The following STXBP5L variants were observed in gnomAD, a reference collection of about 807,000 sequenced individuals.
STXBP5L encodes syntaxin binding protein 5L, also known as syntaxin-binding protein 5-like.
Under a neutral mutation model 144.5 loss-of-function variants are expected in STXBP5L, and 65 were observed. The ratio of observed to expected loss-of-function variants is 0.45; its 90% confidence interval spans 0.37 to 0.55. The LOEUF (loss-of-function observed/expected upper bound fraction) is 0.55. Among genes scored for constraint, STXBP5L ranks in the 20% least tolerant of loss-of-function variants. STXBP5L has a pLI of 0.00. For missense variants in STXBP5L, 1,298 were observed against 1,405.5 expected, an observed-to-expected ratio of 0.92 and a Z score of 1.22; for synonymous variants, 505 against 469.6, an observed-to-expected ratio of 1.08 and a Z score of -0.97.
rs71619793 is a variant in STXBP5L at position 121,312,368 on chromosome 3, C to CTTT, written c.2111-6086_2111-6084dup. On this transcript the variant is annotated intron_variant, in intron 19 of 26. Coordinates refer to ENST00000471454, the MANE Select transcript of STXBP5L (RefSeq NM_001308330.2). ...GGGATCTAAGTAAACTAAAGAGCTT[C>CTTT]TTTTTTTTTTTTTTTTTTTTTTTAT... 1.6e-3 allele frequency among the ~76,000 whole-genome samples: 98 copies of CTTT among 60,092 alleles called. 3 individuals are homozygous for CTTT. Among genetic ancestry groups the CTTT allele is most frequent in the African/African-American group, 6.1e-3 (93 of 15,324 alleles). 39.4% of individuals were successfully genotyped at this position (60,092 alleles called of 152,430 possible).
At chr3:120,961,254 A>T (rs1938767354) in intron 3 of STXBP5L, among the ~76,000 whole-genome samples, 1 of 144,366 alleles carries the variant, frequency 6.9e-6, no homozygotes, top group African/African-American at 2.6e-5. Flanking sequence ...TAGAGGCTAT[A>T]CTTTAGTCTT....
rs2048317170 is a variant in STXBP5L at position 121,205,902 on chromosome 3, TTAAA to T, written c.878-18_878-15del. The T allele has an allele frequency of 2.3e-6, 3 of 1,295,724 alleles. No individual in the cohort carries two copies. The highest frequency in any genetic ancestry group is 3.1e-5 in the African/African-American group (2 of 64,706). The allele number at this position is 1,295,724 out of a possible 1,614,324, so 80.3% of individuals were successfully genotyped here. ...TGAATATAATTTAAATTAGATTCAA[TTAAA>T]TATTTTTTTTCTTTAGGAAAAAGTC... On this transcript the variant is annotated splice_polypyrimidine_tract_variant and intron_variant, in intron 9 of 26. Transcript: ENST00000471454.
At chr3:121,385,131 G>A (rs924898277) in intron 22 of STXBP5L, among the ~76,000 whole-genome samples, 6 of 151,990 alleles carry the variant, frequency 3.9e-5, no homozygotes, top group Admixed American at 3.3e-4. Context: ...TACCCCAGTG[G>A]TAGATGCTTT....
At chr3:121,363,465 G>T (rs1311182805) in intron 20 of STXBP5L, among the ~76,000 whole-genome samples, 1 of 152,168 alleles carries the variant, frequency 6.6e-6, no homozygotes, top group Admixed American at 6.5e-5. Flanking sequence ...GCTAGGGATG[G>T]TTGAAATTCT....
rs2047383910 is a variant in STXBP5L at position 121,422,943 on chromosome 3, T to C, written c.*3846T>C. ...AAAAAGAATCAGATTAGGCCTAACA[T>C]TGGTTGAAGAAGATTAAAATAGATT... On this transcript the variant is annotated 3_prime_UTR_variant, in exon 27 of 27. Coordinates refer to ENST00000471454, the MANE Select transcript of STXBP5L (RefSeq NM_001308330.2). 6.6e-6 allele frequency: 1 copy of C among 151,896 alleles called. No homozygotes were observed. The highest frequency in any genetic ancestry group is 2.1e-4 in the South Asian group (1 of 4,804). The allele number at this position is 151,896 out of a possible 1,614,324, so 9.4% of individuals were successfully genotyped here.
intron 10 of STXBP5L, among the ~76,000 whole-genome samples, chr3:121,210,944 G>T (rs1319889712): frequency 6.6e-6 from 1 of 152,192 alleles, no homozygotes; most frequent in Non-Finnish European, 1.5e-5. Context: ...GAACTTTAAA[G>T]TAGTTTTTTT....
intron 2 of STXBP5L, among the ~76,000 whole-genome samples, chr3:120,930,871 C>A (rs1709896111): frequency 6.6e-6 from 1 of 152,080 alleles, no homozygotes; most frequent in South Asian, 2.1e-4. Context: ...ACTCCTTTGT[C>A]ATATATTAAG....
chr3:121,119,762 T>A (rs1323527963), intron 6 of STXBP5L, among the ~76,000 whole-genome samples: 1 of 151,336 alleles, frequency 6.6e-6, no homozygotes, highest in African/African-American at 2.4e-5. Context: ...ATAGGCATTA[T>A]CTCTATGCAG....
At chr3:121,310,546 C>T (rs2043491141) in intron 19 of STXBP5L, among the ~76,000 whole-genome samples, 1 of 151,472 alleles carries the variant, frequency 6.6e-6, no homozygotes, top group Non-Finnish European at 1.5e-5. Flanking sequence ...ACCCAGGAGG[C>T]AGAGCTTGTA....
intron 5 of STXBP5L, among the ~76,000 whole-genome samples, chr3:121,064,734 A>T (rs1014798242): frequency 2.6e-5 from 4 of 152,210 alleles, no homozygotes; most frequent in African/African-American, 7.2e-5. Context: ...ATTTTTTAAA[A>T]AATGTCAACT....
At chr3:120,998,016 TCTATACAATTCAAGATCCC>T (rs1430252708) in intron 3 of STXBP5L, among the ~76,000 whole-genome samples, 2 of 152,168 alleles carry the variant, frequency 1.3e-5, no homozygotes, top group Non-Finnish European at 2.9e-5. Context: ...GATAAAGCTT[TCTATACAATTCAAGATCCC>T]TTCATGTTAA....
At chr3:121,358,688 G>T (rs2045609396) in intron 20 of STXBP5L, among the ~76,000 whole-genome samples, 1 of 152,108 alleles carries the variant, frequency 6.6e-6, no homozygotes, top group Non-Finnish European at 1.5e-5. Flanking sequence ...TACTCTCTCT[G>T]TCCATGAGTT....
intron 20 of STXBP5L, among the ~76,000 whole-genome samples, chr3:121,368,411 C>A (rs1321283799): frequency 6.6e-6 from 1 of 151,678 alleles, no homozygotes; most frequent in African/African-American, 2.4e-5. Flanking sequence ...TTCTTTAGTT[C>A]TTTAAGCATC....
intron 20 of STXBP5L, among the ~76,000 whole-genome samples, chr3:121,338,381 C>A (rs568814883): frequency 1.3e-5 from 2 of 151,984 alleles, no homozygotes; most frequent in East Asian, 1.9e-4. Flanking sequence ...CGGTGGTTCA[C>A]GCCTGTAATC....
At chr3:121,055,460 A>G (rs1948388033) in intron 5 of STXBP5L, among the ~76,000 whole-genome samples, 1 of 152,122 alleles carries the variant, frequency 6.6e-6, no homozygotes, top group South Asian at 2.1e-4. Context: ...TGAAGGCAGA[A>G]TCCAGCCTTA....
At chr3:121,338,969 A>T (rs991096330) in intron 20 of STXBP5L, among the ~76,000 whole-genome samples, 3 of 152,156 alleles carry the variant, frequency 2.0e-5, no homozygotes, top group Non-Finnish European at 4.4e-5. Context: ...TCTACCAGAC[A>T]TTCAAAGAAT....
chr3:121,206,018 T>C lies in STXBP5L; in HGVS notation c.956+17T>C. On this transcript the variant is annotated intron_variant, in intron 10 of 26. Coordinates refer to ENST00000471454, the MANE Select transcript of STXBP5L (RefSeq NM_001308330.2). ...CAAAAACAGGTATGCATTTTTACTT[T>C]AGGGAAAGAGGGATACGAAGCAGAG... The C allele has an allele frequency of 6.9e-7, 1 of 1,446,624 alleles. No homozygotes were observed. Among genetic ancestry groups the C allele is most frequent in the African/African-American group, 1.5e-5 (1 of 68,110 alleles). 89.6% of individuals were successfully genotyped at this position (1,446,624 alleles called of 1,614,324 possible).
At chr3:121,000,850 T>A (rs1246783602) in intron 3 of STXBP5L, among the ~76,000 whole-genome samples, 1 of 152,214 alleles carries the variant, frequency 6.6e-6, no homozygotes, top group East Asian at 1.9e-4. Flanking sequence ...TTTAGTTGAC[T>A]GGCTTCATTT....
intron 5 of STXBP5L, among the ~76,000 whole-genome samples, chr3:121,089,768 CTTATA>C (rs1462150699): frequency 6.6e-6 from 1 of 151,684 alleles, no homozygotes; most frequent in Admixed American, 6.6e-5. Context: ...TATTTTTTTA[CTTATA>C]TTATTTGTTT....
Sources: gnomAD v4.1 joint callset for allele counts (sites outside exome capture counted in the v4.1 genomes callset) on GRCh38, gnomAD v4.1.1 for gene constraint, MANE v1.5 for transcripts, NCBI Gene and HGNC (gene_info 2026-07-23, HGNC 2026-07-21) for gene names.